Variants in LDLRAD4 observed in about 807,000 individuals in gnomAD.
LDLRAD4 encodes low-density lipoprotein receptor class A domain-containing protein 4.
Under a neutral mutation model 17.0 loss-of-function variants are expected in LDLRAD4, and 5 were observed. The ratio of observed to expected loss-of-function variants is 0.29; its 90% CI spans 0.15 to 0.62. LDLRAD4 has a LOEUF of 0.62. Among genes scored for constraint, LDLRAD4 ranks in the 20% least tolerant of loss-of-function variants. The pLI is 0.84. For synonymous variants in LDLRAD4, 168 were observed against 171.8 expected (o/e 0.98, Z 0.17); for missense variants, 340 against 424.7 (o/e 0.80, Z 1.75).
chr18:13,449,770 A>G (rs1600380555), intron 3 of LDLRAD4, among the ~76,000 whole-genome samples: 1 of 152,186 alleles, frequency 6.6e-6, no homozygotes, highest in African/African-American at 2.4e-5. Flanking sequence ...CAGGCCTTTT[A>G]CCCTTAGATC....
rs1441092743 is a variant in LDLRAD4 at position 13,375,661 on chromosome 18, G to A, written c.-382-11680G>A. On this transcript the variant is annotated intron_variant, in intron 1 of 5. Coordinates refer to ENST00000359446, the Ensembl canonical transcript of LDLRAD4. ...CTAATCTAAGCAGGCCCTGGCCTGA[G>A]TGAATGCTCTGAGTGTTCAGTTATG... 5.9e-5 allele frequency among the ~76,000 whole-genome samples: 9 copies of A among 152,342 alleles called. No homozygotes were observed. The East Asian group carries it at 1.7e-3, about 29-fold the overall frequency.
intron 2 of LDLRAD4, among the ~76,000 whole-genome samples, chr18:13,434,034 G>A (rs1263473074): frequency 6.6e-6 from 1 of 152,166 alleles, no homozygotes; most frequent in Admixed American, 6.5e-5. Context: ...CCTCACCTGG[G>A]AGGTGAGGGG....
At chr18:13,356,363 G>C (rs1032084102) in intron 1 of LDLRAD4, among the ~76,000 whole-genome samples, 1 of 152,204 alleles carries the variant, frequency 6.6e-6, no homozygotes, top group Non-Finnish European at 1.5e-5. Context: ...CAAAGGACCC[G>C]GGTAAATGCA....
At chr18:13,564,580 TAAAAAAA>T (rs367805996) in intron 3 of LDLRAD4, among the ~76,000 whole-genome samples, 3 of 82,460 alleles carry the variant, frequency 3.6e-5, no homozygotes, top group East Asian at 3.5e-4. Context: ...TCCCATTTTC[TAAAAAAA>T]AAAAAAAAAA....
intron 3 of LDLRAD4, among the ~76,000 whole-genome samples, chr18:13,568,063 G>C (rs2094631213): frequency 6.6e-6 from 1 of 151,812 alleles, no homozygotes; most frequent in South Asian, 2.1e-4. Flanking sequence ...GGAGGTGGGG[G>C]GTGGGGGGAT....
chr18:13,612,227 G>A, intron 3 of LDLRAD4: 1 of 992,506 alleles, frequency 1.0e-6, no homozygotes, highest in Non-Finnish European at 1.2e-6. Flanking sequence ...GAGCCGTCTA[G>A]CTGCGTTCTG....
At chr18:13,364,656 T>C (rs373571331) in intron 1 of LDLRAD4, among the ~76,000 whole-genome samples, 1 of 152,240 alleles carries the variant, frequency 6.6e-6, no homozygotes, top group East Asian at 1.9e-4. Flanking sequence ...TATTTGATTT[T>C]TTTGTGTATG....
At chr18:13,261,773 A>G (rs2043828184) in intron 1 of LDLRAD4, among the ~76,000 whole-genome samples, 1 of 152,138 alleles carries the variant, frequency 6.6e-6, no homozygotes, top group Admixed American at 6.5e-5. Context: ...ACCCGGCTGC[A>G]GGCAGCATGC....
intron 3 of LDLRAD4, among the ~76,000 whole-genome samples, chr18:13,608,100 TGAA>T (rs1174965507): frequency 6.6e-6 from 1 of 150,410 alleles, no homozygotes; most frequent in Non-Finnish European, 1.5e-5. Flanking sequence ...AAAAAGTGGA[TGAA>T]GAATATGAAC....
At chr18:13,391,023 G>GAGGC (rs2086236723) in intron 2 of LDLRAD4, among the ~76,000 whole-genome samples, 1 of 152,206 alleles carries the variant, frequency 6.6e-6, no homozygotes, top group Non-Finnish European at 1.5e-5. Flanking sequence ...GCTTTAGAAG[G>GAGGC]AGGCGCTCAG....
rs145852711 is a variant in LDLRAD4 at position 13,562,370 on chromosome 18, C to G, written c.182-58747C>G. On this transcript the variant is annotated intron_variant, in intron 3 of 5. Transcript: ENST00000359446. ...CTACATCAGTGAGACCTCAGCCTGC[C>G]TCGTTTCTCCACTCCCTTAACTAGG... 3.4e-3 allele frequency among the ~76,000 whole-genome samples: 520 copies of G among 152,320 alleles called. 2 individuals carry two copies. Among genetic ancestry groups the G allele is most frequent in the African/African-American group, 0.011 (470 of 41,560 alleles).
intron 1 of LDLRAD4, among the ~76,000 whole-genome samples, chr18:13,264,383 A>G (rs2044095862): frequency 6.6e-6 from 1 of 152,238 alleles, no homozygotes; most frequent in Non-Finnish European, 1.5e-5. Context: ...ACCGTTAGAC[A>G]GTTGCTTGGC....
In LDLRAD4 at chr18:13,335,993, G is replaced by A. The variant is rs1377812; in HGVS notation, c.-382-51348G>A. ...AGGCTGTACAAGAAGCATGGTGTCA[G>A]CATCTGCTTCTGGTGAGGGCCCCAG... is the stretch of plus-strand genomic sequence containing the variant. On this transcript the variant is annotated intron_variant, in intron 1 of 5. Coordinates refer to ENST00000359446, the Ensembl canonical transcript of LDLRAD4. Among the ~76,000 whole-genome samples the A allele has an allele frequency of 9.8e-3, 1,494 of 152,318 alleles. 13 individuals carry two copies. Among genetic ancestry groups the A allele is most frequent in the African/African-American group, 0.026 (1,065 of 41,564 alleles).
intron 3 of LDLRAD4, among the ~76,000 whole-genome samples, chr18:13,501,468 G>A (rs2093612876): frequency 6.6e-6 from 1 of 152,166 alleles, no homozygotes; most frequent in Non-Finnish European, 1.5e-5. Flanking sequence ...AGACCCCAGG[G>A]AACACAGTTT....
intron 2 of LDLRAD4, among the ~76,000 whole-genome samples, chr18:13,404,797 C>CAA (rs751734866): frequency 4.3e-5 from 5 of 117,476 alleles, no homozygotes; most frequent in African/African-American, 9.3e-5. Context: ...AACTCCGTCT[C>CAA]AAAAAAAAAA....
intron 2 of LDLRAD4, among the ~76,000 whole-genome samples, chr18:13,415,671 C>T (rs2088819728): frequency 6.6e-6 from 1 of 152,202 alleles, no homozygotes; most frequent in Admixed American, 6.5e-5. Flanking sequence ...AGGCAAACCT[C>T]ACCCCCCCAG....
chr18:13,397,122 C>G (rs965858572), intron 2 of LDLRAD4, among the ~76,000 whole-genome samples: 10 of 152,036 alleles, frequency 6.6e-5, no homozygotes, highest in African/African-American at 2.4e-4. Context: ...TTGGGTTTGC[C>G]TGACTTTTAT....
intron 2 of LDLRAD4, among the ~76,000 whole-genome samples, chr18:13,392,246 G>T (rs914323115): frequency 1.3e-5 from 2 of 152,244 alleles, no homozygotes; most frequent in African/African-American, 4.8e-5. Context: ...GCCCCCACCT[G>T]CCTCACAGGG....
intron 3 of LDLRAD4, among the ~76,000 whole-genome samples, chr18:13,555,338 C>A (rs1291601602): frequency 6.6e-6 from 1 of 152,182 alleles, no homozygotes; most frequent in Non-Finnish European, 1.5e-5. Flanking sequence ...TATCTTTCTG[C>A]AGTAGTTGGG....
Sources: gnomAD v4.1 joint callset for allele counts (sites outside exome capture counted in the v4.1 genomes callset) on GRCh38, gnomAD v4.1.1 for gene constraint, MANE v1.5 for transcripts, NCBI Gene and HGNC (gene_info 2026-07-23, HGNC 2026-07-21) for gene names.